The following PPP2R2B variants were observed in gnomAD, a reference collection of about 807,000 sequenced individuals.
The protein encoded by PPP2R2B is serine/threonine-protein phosphatase 2A 55 kDa regulatory subunit B beta isoform.
Under a neutral mutation model 46.0 loss-of-function variants are expected in PPP2R2B, and 5 were observed. That is an observed-to-expected ratio of 0.11 (90% CI 0.06 to 0.23). The LOEUF (loss-of-function observed/expected upper bound fraction) is 0.23, where lower values mean the gene tolerates loss of function less well. PPP2R2B is among the 10% of genes least tolerant of loss of function. The probability of loss-of-function intolerance (pLI) is 1.00; values close to 1 mark genes in which losing one functional copy is unlikely to be tolerated. For synonymous variants in PPP2R2B, 215 were observed against 206.7 expected, an observed-to-expected ratio of 1.04 and a Z score of -0.34; for missense variants, 367 against 575.0, an observed-to-expected ratio of 0.64 and a Z score of 3.70.
chr5:146,889,414 T>A (rs867967810), intron 1 of PPP2R2B, among the ~76,000 whole-genome samples: 15 of 152,334 alleles, frequency 9.8e-5, no homozygotes, highest in South Asian at 4.1e-4. Context: ...AAGTTCAATC[T>A]TGTATATAAT....
At chr5:146,731,475 A>T (rs576206647) in intron 2 of PPP2R2B, among the ~76,000 whole-genome samples, 1 of 152,334 alleles carries the variant, frequency 6.6e-6, no homozygotes, top group East Asian at 1.9e-4. Flanking sequence ...GAGAAGGCCA[A>T]CTTGCATTTC....
chr5:146,698,205 C>A, intron 3 of PPP2R2B, 61 bp from the exon 4 acceptor site: 2 of 1,429,510 alleles, frequency 1.4e-6, no homozygotes, highest in South Asian at 2.9e-5. Flanking sequence ...GTAAAACTCG[C>A]CAACTCCCTT....
chr5:146,866,833 G>A (rs936563283), intron 2 of PPP2R2B, among the ~76,000 whole-genome samples: 2 of 152,046 alleles, frequency 1.3e-5, no homozygotes, highest in African/African-American at 4.8e-5. Flanking sequence ...CCTTTTAACA[G>A]ACCTCCAAGT....
intron 1 of PPP2R2B, among the ~76,000 whole-genome samples, chr5:146,945,367 A>G: frequency 6.6e-6 from 1 of 152,220 alleles, no homozygotes; most frequent in Non-Finnish European, 1.5e-5. Flanking sequence ...GATAATTATT[A>G]ACCAAATGGA....
chr5:147,076,842 C>G (rs1048914236), intron 2 of PPP2R2B, among the ~76,000 whole-genome samples: 3 of 152,054 alleles, frequency 2.0e-5, no homozygotes, highest in African/African-American at 7.2e-5. Context: ...TTACAACCCT[C>G]TCACTTTCTG....
At chr5:146,824,525 C>G (rs945525343) in intron 2 of PPP2R2B, among the ~76,000 whole-genome samples, 1 of 151,976 alleles carries the variant, frequency 6.6e-6, no homozygotes, top group African/African-American at 2.4e-5. Flanking sequence ...GAGGGTTGGC[C>G]ATACATAGAA....
intron 8 of PPP2R2B, among the ~76,000 whole-genome samples, chr5:146,599,742 G>A (rs1771591242): frequency 6.6e-6 from 1 of 152,114 alleles, no homozygotes; most frequent in Non-Finnish European, 1.5e-5. Flanking sequence ...GTGGTTTGCT[G>A]CACCCATCAA....
chr5:146,964,869 TG>T (rs1467239582), intron 1 of PPP2R2B, among the ~76,000 whole-genome samples: 1 of 152,144 alleles, frequency 6.6e-6, no homozygotes, highest in Non-Finnish European at 1.5e-5. Context: ...GGTCCTCTTT[TG>T]GGAATCTGGG....
intron 1 of PPP2R2B, among the ~76,000 whole-genome samples, chr5:147,035,490 C>T (rs1234211212): frequency 6.6e-6 from 1 of 152,090 alleles, no homozygotes; most frequent in Admixed American, 6.6e-5. Context: ...TCTCTGAATT[C>T]CTTTGTCTTC....
chr5:147,025,952 T>C (rs938169082), intron 1 of PPP2R2B, among the ~76,000 whole-genome samples: 2 of 152,096 alleles, frequency 1.3e-5, no homozygotes, highest in Admixed American at 6.5e-5. Context: ...CTTAGTAGAA[T>C]GAATAAAAAT....
At chr5:147,053,805 C>G (rs1404517993) in intron 1 of PPP2R2B, among the ~76,000 whole-genome samples, 1 of 152,212 alleles carries the variant, frequency 6.6e-6, no homozygotes, top group Non-Finnish European at 1.5e-5. Context: ...AACAGTTCAT[C>G]TCAACATCCT....
At chr5:146,813,934 CAG>C (rs1757779005) in intron 2 of PPP2R2B, among the ~76,000 whole-genome samples, 1 of 152,070 alleles carries the variant, frequency 6.6e-6, no homozygotes, top group Non-Finnish European at 1.5e-5. Flanking sequence ...GTGGCAAGAA[CAG>C]AGAAGAGACA....
chr5:146,874,104 C>G lies in PPP2R2B; in HGVS notation c.70+3898G>C, dbSNP rs142184357. On this transcript the variant is annotated intron_variant, in intron 2 of 9. Coordinates refer to ENST00000394411, the MANE Select transcript of PPP2R2B (RefSeq NM_181675.4). ...GAACTCCCGATCTAAATTAGATCCA[C>G]CTTTCCACCTTATGACCCCAAGGCA... is the stretch of plus-strand genomic sequence containing the variant. Among the ~76,000 whole-genome samples the G allele has an allele frequency of 8.5e-5, 13 of 152,234 alleles. 1 individual carries two copies. The highest frequency in any genetic ancestry group is 2.2e-4 in the African/African-American group (9 of 41,454).
At chr5:146,678,786 A>G (rs1198716818) in intron 5 of PPP2R2B, among the ~76,000 whole-genome samples, 1 of 133,034 alleles carries the variant, frequency 7.5e-6, no homozygotes, top group African/African-American at 3.4e-5. Context: ...GTGAACTCCC[A>G]TTCACAATTG....
At chr5:146,889,602 G>A (rs192953395) in intron 1 of PPP2R2B, among the ~76,000 whole-genome samples, 7 of 152,264 alleles carry the variant, frequency 4.6e-5, no homozygotes, top group African/African-American at 1.7e-4. Flanking sequence ...CAATTGAAAC[G>A]TTGCAATTGG....
At chr5:147,047,686 C>T (rs1756607281) in intron 1 of PPP2R2B, among the ~76,000 whole-genome samples, 1 of 152,054 alleles carries the variant, frequency 6.6e-6, no homozygotes, top group African/African-American at 2.4e-5. Flanking sequence ...AAATGACTTT[C>T]TGTGTATTAG....
intron 2 of PPP2R2B, among the ~76,000 whole-genome samples, chr5:146,781,175 TAA>T (rs1554136199): frequency 4.3e-5 from 5 of 116,446 alleles, no homozygotes; most frequent in Non-Finnish European, 5.4e-5. Context: ...TATATATATA[TAA>T]AATTATTCTC....
At chr5:146,862,515 C>G (rs561789) in intron 2 of PPP2R2B, among the ~76,000 whole-genome samples, 73,297 of 151,942 alleles carry the variant, frequency 0.48, 19,303 homozygotes, top group East Asian at 0.72. Flanking sequence ...GGTGATCAAA[C>G]AACTTGAGGA....
intron 1 of PPP2R2B, among the ~76,000 whole-genome samples, chr5:147,042,370 C>T (rs1028466822): frequency 1.3e-5 from 2 of 152,090 alleles, no homozygotes; most frequent in Non-Finnish European, 2.9e-5. Flanking sequence ...TTCTATAACT[C>T]GCTCAGGTAC....
Sources: allele counts gnomAD v4.1 joint callset (sites outside exome capture counted in the v4.1 genomes callset), GRCh38; gene constraint gnomAD v4.1.1; transcripts MANE v1.5; gene names NCBI Gene and HGNC (gene_info 2026-07-23, HGNC 2026-07-21).